The following RFX3 variants were observed in gnomAD, a reference collection of about 807,000 sequenced individuals.
RFX3 encodes transcription factor RFX3.
Under a neutral mutation model 98.6 loss-of-function variants are expected in RFX3, and 14 were observed. The ratio of observed to expected loss-of-function variants is 0.14; its 90% confidence interval spans 0.09 to 0.22. The LOEUF (loss-of-function observed/expected upper bound fraction) is 0.22. Among genes scored for constraint, RFX3 ranks in the 10% least tolerant of loss-of-function variants. The pLI, the probability that RFX3 is intolerant of heterozygous loss-of-function variation, is 1.00. For missense variants in RFX3, 639 were observed against 926.9 expected, an observed-to-expected ratio of 0.69 and a Z score of 4.03; for synonymous variants, 383 against 328.4, an observed-to-expected ratio of 1.17 and a Z score of -1.80.
Position 3,219,560 on chromosome 9 carries a change from C to G in RFX3, c.*5482G>C, listed in dbSNP as rs1334980223. ...TAAAAAAACATATTATCAATTATTTCAAATGAAAGGAAAAAAAAATCCTAG... is the reference window on the plus strand; with the variant it reads ...TAAAAAAACATATTATCAATTATTTGAAATGAAAGGAAAAAAAAATCCTAG... On this transcript the variant is annotated 3_prime_UTR_variant, in exon 17 of 17. Coordinates refer to ENST00000617270, the MANE Select transcript of RFX3 (RefSeq NM_001282116.2). 1.3e-5 allele frequency: 2 copies of G among 151,332 alleles called. No homozygotes were observed. Among genetic ancestry groups the G allele is most frequent in the African/African-American group, 4.9e-5 (2 of 41,146 alleles). 9.4% of individuals were successfully genotyped at this position (151,332 alleles called of 1,614,324 possible). A position where few individuals can be genotyped will look rare whatever the true frequency, so the allele number is the denominator to read the frequency against.
At chr9:3,422,872 G>C (rs1246097710) in intron 1 of RFX3, among the ~76,000 whole-genome samples, 5 of 151,930 alleles carry the variant, frequency 3.3e-5, no homozygotes, top group Non-Finnish European at 7.4e-5. Context: ...AATTACAGTA[G>C]GATTGCCTAT....
chr9:3,474,574 C>G (rs1849063037), intron 1 of RFX3, among the ~76,000 whole-genome samples: 1 of 152,198 alleles, frequency 6.6e-6, no homozygotes, highest in African/African-American at 2.4e-5. Context: ...TTTAGTATCA[C>G]TGTCTCCAAT....
chr9:3,410,901 G>T (rs1327930859), intron 1 of RFX3, among the ~76,000 whole-genome samples: 1 of 152,106 alleles, frequency 6.6e-6, no homozygotes, highest in African/African-American at 2.4e-5. Flanking sequence ...AGTTACCCAT[G>T]CCTAATTTAC....
At chr9:3,330,816 T>A (rs1832506091) in intron 3 of RFX3, among the ~76,000 whole-genome samples, 1 of 152,302 alleles carries the variant, frequency 6.6e-6, no homozygotes, top group South Asian at 2.1e-4. Context: ...GAAATCTTGC[T>A]GAACAACTTC....
chr9:3,399,026 G>A (rs1841206408), intron 1 of RFX3, among the ~76,000 whole-genome samples: 1 of 151,174 alleles, frequency 6.6e-6, no homozygotes, highest in South Asian at 2.1e-4. Flanking sequence ...CATAGATTTG[G>A]AAATTGGCCT....
At chr9:3,372,842 T>C (rs553403584) in intron 2 of RFX3, among the ~76,000 whole-genome samples, 28 of 152,222 alleles carry the variant, frequency 1.8e-4, no homozygotes, top group African/African-American at 6.0e-4. Context: ...CAACTTGGCA[T>C]CCCAAAGTGC....
chr9:3,472,381 A>AT (rs1380950390), intron 1 of RFX3, among the ~76,000 whole-genome samples: 6 of 152,230 alleles, frequency 3.9e-5, no homozygotes, highest in African/African-American at 1.4e-4. Flanking sequence ...TAAAATCTAG[A>AT]TAACACACCC....
At chr9:3,457,157 A>C (rs1847261694) in intron 1 of RFX3, among the ~76,000 whole-genome samples, 1 of 150,220 alleles carries the variant, frequency 6.7e-6, no homozygotes. Context: ...AAAAAAAAAA[A>C]AAAAAAAAAA....
At chr9:3,287,617 A>G (rs1174881637) in intron 7 of RFX3, among the ~76,000 whole-genome samples, 1 of 151,920 alleles carries the variant, frequency 6.6e-6, no homozygotes, top group Non-Finnish European at 1.5e-5. Flanking sequence ...CCATCCGTCC[A>G]TACGTCCATC....
chr9:3,315,543 T>C (rs901635911), intron 4 of RFX3, among the ~76,000 whole-genome samples: 11 of 148,872 alleles, frequency 7.4e-5, no homozygotes, highest in African/African-American at 1.5e-4. Context: ...CTGAAGGAGA[T>C]AGACACACAA....
At chr9:3,298,927 C>A (rs1387290422) in intron 5 of RFX3, among the ~76,000 whole-genome samples, 1 of 151,670 alleles carries the variant, frequency 6.6e-6, no homozygotes, top group Admixed American at 6.6e-5. Context: ...TCCTTAGAAA[C>A]AGGTAAAATA....
chr9:3,387,064 C>T (rs1839802403), intron 2 of RFX3, among the ~76,000 whole-genome samples: 1 of 152,148 alleles, frequency 6.6e-6, no homozygotes, highest in Admixed American at 6.6e-5. Flanking sequence ...CTTTCCTTTA[C>T]CAGAGATACC....
At chr9:3,242,915 A>G (rs577133219) in intron 15 of RFX3, among the ~76,000 whole-genome samples, 81 of 152,100 alleles carry the variant, frequency 5.3e-4, no homozygotes, top group Non-Finnish European at 1.0e-3. Context: ...AATATTAAGT[A>G]TAATTAAATT....
chr9:3,388,958 G>C (rs951308998), intron 2 of RFX3, among the ~76,000 whole-genome samples: 2 of 152,108 alleles, frequency 1.3e-5, no homozygotes, highest in African/African-American at 4.8e-5. Context: ...AGAGATAGTA[G>C]AGAGGAGGAC....
Position 3,222,492 on chromosome 9 carries a change from T to A in RFX3, c.*2550A>T, listed in dbSNP as rs1817389451. ...GATACAAATATATCCAACATTAAAT[T>A]AAACAATGATAATAAATACATTTAA... On this transcript the variant is annotated 3_prime_UTR_variant, in exon 17 of 17. Transcript: ENST00000617270. 6.6e-6 allele frequency: 1 copy of A among 152,152 alleles called. No individual in the cohort carries two copies. The highest frequency in any genetic ancestry group is 6.6e-5 in the Admixed American group (1 of 15,266). 9.4% of individuals were successfully genotyped at this position (152,152 alleles called of 1,614,324 possible).
chr9:3,252,229 A>G (rs908286672), intron 14 of RFX3, among the ~76,000 whole-genome samples: 3 of 152,260 alleles, frequency 2.0e-5, no homozygotes, highest in African/African-American at 7.2e-5. Flanking sequence ...ACATTTATTT[A>G]GCAGATATTT....
chr9:3,226,892 T>C (rs1471502760), intron 16 of RFX3, among the ~76,000 whole-genome samples: 1 of 152,214 alleles, frequency 6.6e-6, no homozygotes, highest in East Asian at 1.9e-4. Context: ...TAGTTTCTAA[T>C]TCTCTGTATT....
intron 2 of RFX3, among the ~76,000 whole-genome samples, chr9:3,373,820 T>A (rs1442153724): frequency 6.6e-6 from 1 of 152,206 alleles, no homozygotes; most frequent in African/African-American, 2.4e-5. Flanking sequence ...GGCTCACGCC[T>A]GTAATCCCAG....
At chr9:3,519,479 C>A (rs1046430500) in intron 1 of RFX3, among the ~76,000 whole-genome samples, 1 of 152,190 alleles carries the variant, frequency 6.6e-6, no homozygotes, top group African/African-American at 2.4e-5. Context: ...ATTTTCTCAG[C>A]CTTCCCTAAA....
Sources: allele counts gnomAD v4.1 joint callset (sites outside exome capture counted in the v4.1 genomes callset), GRCh38; gene constraint gnomAD v4.1.1; transcripts MANE v1.5; gene names NCBI Gene and HGNC (gene_info 2026-07-23, HGNC 2026-07-21).